PIK3AP1: variants seen among roughly 807,000 people sequenced by gnomAD.
PIK3AP1 encodes the protein phosphoinositide-3-kinase adaptor protein 1.
PIK3AP1 carries 21 observed loss-of-function variants against 88.1 expected under a neutral mutation model. The observed-to-expected ratio is 0.24, with a 90% CI of 0.17 to 0.34. PIK3AP1 has a LOEUF of 0.34. Ranked by LOEUF, PIK3AP1 falls within the 10% of genes least tolerant of loss-of-function variation. PIK3AP1 has a pLI of 1.00. For missense variants in PIK3AP1, 828 were observed against 1,035.7 expected (o/e 0.80, Z 2.75); for synonymous variants, 398 against 400.0 (o/e 1.00, Z 0.06).
chr10:96,696,696 A>G (rs916440487), intron 2 of PIK3AP1, among the ~76,000 whole-genome samples: 3 of 152,236 alleles, frequency 2.0e-5, no homozygotes, highest in African/African-American at 7.2e-5. Context: ...GTAAAATGTT[A>G]AATACATACA....
intron 2 of PIK3AP1, among the ~76,000 whole-genome samples, chr10:96,666,113 A>G (rs969922458): frequency 6.6e-6 from 1 of 152,208 alleles, no homozygotes; most frequent in Non-Finnish European, 1.5e-5. Context: ...ACTATAGAAC[A>G]TACAAATAAA....
At chr10:96,641,124 T>C (rs3979627) in intron 8 of PIK3AP1, among the ~76,000 whole-genome samples, 36,300 of 109,550 alleles carry the variant, frequency 0.33, 4,447 homozygotes, top group Admixed American at 0.39. Context: ...TGTGTGTGTG[T>C]GCGTGTGCAT....
At chr10:96,626,959 C>A in intron 9 of PIK3AP1, 54 bp from the exon 10 acceptor site, 1 of 1,513,546 alleles carries the variant, frequency 6.6e-7, no homozygotes, top group South Asian at 1.1e-5. Context: ...ACTGGGTGAT[C>A]ATCAGTCATA....
At chr10:96,697,666 C>T (rs1451873631) in intron 2 of PIK3AP1, among the ~76,000 whole-genome samples, 1 of 151,852 alleles carries the variant, frequency 6.6e-6, no homozygotes, top group Non-Finnish European at 1.5e-5. Flanking sequence ...AAGGTTGAGG[C>T]TTCAGTGAGC....
intron 2 of PIK3AP1, among the ~76,000 whole-genome samples, chr10:96,686,445 T>TGG (rs1352377836): frequency 6.6e-6 from 1 of 152,192 alleles, no homozygotes; most frequent in East Asian, 1.9e-4. Context: ...TACCCGTGGA[T>TGG]GTACCGCAAA....
At chr10:96,632,075 C>T (rs1172710060) in intron 8 of PIK3AP1, among the ~76,000 whole-genome samples, 6 of 152,038 alleles carry the variant, frequency 3.9e-5, no homozygotes, top group Non-Finnish European at 8.8e-5. Context: ...GAAGAGCATT[C>T]TACAAAATAA....
At chr10:96,710,315 G>A (rs1443577289) in intron 1 of PIK3AP1, among the ~76,000 whole-genome samples, 2 of 152,010 alleles carry the variant, frequency 1.3e-5, no homozygotes, top group Non-Finnish European at 2.9e-5. Flanking sequence ...TCTGCCTCCC[G>A]GGTTCAAGCG....
intron 8 of PIK3AP1, among the ~76,000 whole-genome samples, chr10:96,630,912 C>T (rs1843236415): frequency 6.6e-6 from 1 of 152,154 alleles, no homozygotes; most frequent in Admixed American, 6.5e-5. Context: ...GCAGGACCCT[C>T]TTCTACCTGA....
intron 16 of PIK3AP1, among the ~76,000 whole-genome samples, chr10:96,597,486 A>C (rs995995381): frequency 6.6e-6 from 1 of 151,984 alleles, no homozygotes; most frequent in Non-Finnish European, 1.5e-5. Context: ...AAGATGATGC[A>C]AGTGTGTGGA....
intron 12 of PIK3AP1, chr10:96,618,601 A>AC (rs1439995863): frequency 6.6e-6 from 1 of 152,594 alleles, no homozygotes; most frequent in Admixed American, 6.5e-5. Context: ...AAAAAAAAAA[A>AC]AAAGAAAAAA....
intron 2 of PIK3AP1, among the ~76,000 whole-genome samples, chr10:96,693,739 A>G (rs1844185728): frequency 6.6e-6 from 1 of 152,230 alleles, no homozygotes; most frequent in Non-Finnish European, 1.5e-5. Flanking sequence ...GCAGAATTTT[A>G]TATTGATCCT....
At chr10:96,619,193 A>G (rs1843041432) in intron 12 of PIK3AP1, among the ~76,000 whole-genome samples, 1 of 152,200 alleles carries the variant, frequency 6.6e-6, no homozygotes, top group Non-Finnish European at 1.5e-5. Context: ...CACAATGCCT[A>G]ACATAGCACT....
chr10:96,651,052 G>A (rs888715898), intron 6 of PIK3AP1, among the ~76,000 whole-genome samples, 196 bp downstream of exon 6: 3 of 152,240 alleles, frequency 2.0e-5, no homozygotes, highest in African/African-American at 7.2e-5. Context: ...TTTGAGAAGG[G>A]GGTAAAGTAT....
chr10:96,603,976 C>A lies in PIK3AP1; in HGVS notation c.2241+3G>T. On this transcript the variant is annotated splice_donor_region_variant and intron_variant, in intron 15 of 16. Transcript: ENST00000339364. ...ATAGGTGGGGTGGAGTCCCAGCTCT[C>A]ACCTCGTTGTCCCCTTCCATCCCGC... 6.2e-7 allele frequency: 1 copy of A among 1,600,434 alleles called. No individual in the cohort carries two copies. Among genetic ancestry groups the A allele is most frequent in the South Asian group, 1.1e-5 (1 of 88,692 alleles).
In PIK3AP1 at chr10:96,611,617, G is replaced by A. The variant is rs113369531; in HGVS notation, c.2015-1750C>T. On this transcript the variant is annotated intron_variant, in intron 13 of 16. Transcript: ENST00000339364. ...CCCGAGTAGCTGGGACTACAGGCAC[G>A]CGCCACCATGCCCAGCTCATTTTTG... 4.6e-4 allele frequency among the ~76,000 whole-genome samples: 70 copies of A among 152,096 alleles called. 1 individual carries two copies. Among genetic ancestry groups the A allele is most frequent in the South Asian group, 2.3e-3 (11 of 4,798 alleles).
intron 3 of PIK3AP1, among the ~76,000 whole-genome samples, chr10:96,655,148 C>T (rs918053120): frequency 6.6e-6 from 1 of 152,288 alleles, no homozygotes; most frequent in South Asian, 2.1e-4. Flanking sequence ...CCTCGGCCTC[C>T]CAAAGTCTTG....
intron 9 of PIK3AP1, among the ~76,000 whole-genome samples, 186 bp from the exon 10 acceptor site, chr10:96,627,091 A>G (rs1843165001): frequency 6.6e-6 from 1 of 152,232 alleles, no homozygotes; most frequent in Non-Finnish European, 1.5e-5. Flanking sequence ...GAAAACACTC[A>G]TGTCACCTCC....
chr10:96,696,215 A>G (rs1409687744), intron 2 of PIK3AP1, among the ~76,000 whole-genome samples: 3 of 152,226 alleles, frequency 2.0e-5, no homozygotes, highest in Admixed American at 1.3e-4. Context: ...AGAGACCAGT[A>G]TTGTTTTTCT....
intron 2 of PIK3AP1, among the ~76,000 whole-genome samples, chr10:96,663,182 T>C (rs939817006): frequency 5.3e-5 from 8 of 152,232 alleles, no homozygotes; most frequent in African/African-American, 1.9e-4. Context: ...TGAAATTTCT[T>C]TCTGAGGTGA....
Sources: allele counts gnomAD v4.1 joint callset (sites outside exome capture counted in the v4.1 genomes callset), GRCh38; gene constraint gnomAD v4.1.1; transcripts MANE v1.5; gene names NCBI Gene and HGNC (gene_info 2026-07-23, HGNC 2026-07-21).